The following DCAF10 variants were observed in gnomAD, a reference collection of about 807,000 sequenced individuals.
DCAF10 encodes DDB1 and CUL4 associated factor 10, also known as DDB1- and CUL4-associated factor 10.
A neutral mutation model predicts 51.9 loss-of-function variants in DCAF10; 19 were observed. That is an observed-to-expected ratio of 0.37 (90% CI 0.26 to 0.54). The LOEUF (loss-of-function observed/expected upper bound fraction) is 0.54. Ranked by LOEUF, DCAF10 falls within the 20% of genes least tolerant of loss-of-function variation. The probability of loss-of-function intolerance (pLI) is 0.87; values close to 1 mark genes in which losing one functional copy is unlikely to be tolerated. For missense variants in DCAF10, 510 were observed against 730.6 expected, an observed-to-expected ratio of 0.70 and a Z score of 3.48; for synonymous variants, 291 against 297.1, an observed-to-expected ratio of 0.98 and a Z score of 0.21.
intron 2 of DCAF10, among the ~76,000 whole-genome samples, chr9:37,820,950 C>A (rs976571389): frequency 6.6e-6 from 1 of 151,884 alleles, no homozygotes; most frequent in Non-Finnish European, 1.5e-5. Flanking sequence ...GTACAAAATT[C>A]AAAGGTACAA....
chr9:37,803,252 T>A (rs926686005), intron 1 of DCAF10, among the ~76,000 whole-genome samples: 16 of 152,300 alleles, frequency 1.1e-4, no homozygotes, highest in South Asian at 4.1e-4. Flanking sequence ...TCTAAGGAAA[T>A]TTTTAATTTG....
chr9:37,860,817 C>T (rs1328237471), intron 6 of DCAF10, among the ~76,000 whole-genome samples: 1 of 151,904 alleles, frequency 6.6e-6, no homozygotes, highest in Non-Finnish European at 1.5e-5. Flanking sequence ...TACTCTAGGG[C>T]TTGGATGTAC....
chr9:37,830,958 C>T (rs1234518009), intron 2 of DCAF10, among the ~76,000 whole-genome samples: 1 of 152,228 alleles, frequency 6.6e-6, no homozygotes, highest in Non-Finnish European at 1.5e-5. Context: ...CGCAGTGGCT[C>T]ATGCCTGTAA....
chr9:37,859,420 T>C (rs1211129982), intron 5 of DCAF10, among the ~76,000 whole-genome samples: 6 of 152,220 alleles, frequency 3.9e-5, no homozygotes, highest in African/African-American at 1.2e-4. Flanking sequence ...GTCATTTTCA[T>C]TGGGAGTTAG....
chr9:37,845,808 T>C (rs369414603), intron 3 of DCAF10, among the ~76,000 whole-genome samples: 33 of 152,230 alleles, frequency 2.2e-4, no homozygotes, highest in East Asian at 1.2e-3. Context: ...GTTCATGCGG[T>C]GCTTGTTATT....
chr9:37,859,798 G>A (rs1830959347), intron 5 of DCAF10, among the ~76,000 whole-genome samples: 1 of 152,104 alleles, frequency 6.6e-6, no homozygotes, highest in South Asian at 2.1e-4. Context: ...CTTAGCCTTA[G>A]GTCAGTGACA....
intron 1 of DCAF10, among the ~76,000 whole-genome samples, chr9:37,817,302 A>G (rs191827173): frequency 6.6e-6 from 1 of 152,350 alleles, no homozygotes; most frequent in Admixed American, 6.5e-5. Context: ...AATGTTCAAG[A>G]TTAAGAATCT....
chr9:37,831,171 C>G (rs1349410719), intron 2 of DCAF10, among the ~76,000 whole-genome samples: 1 of 152,096 alleles, frequency 6.6e-6, no homozygotes, highest in Non-Finnish European at 1.5e-5. Flanking sequence ...GAGCCGAGAT[C>G]GCGCCACTGC....
In DCAF10 at chr9:37,860,079, A is replaced by G. The variant is rs1830968879; in HGVS notation, c.1197A>G (p.Val399=). 1 of 1,614,138 alleles carries G rather than the reference A, an allele frequency of 6.2e-7. No homozygotes were observed. Among genetic ancestry groups the G allele is most frequent in the Non-Finnish European group, 8.5e-7 (1 of 1,179,990 alleles). The change falls in exon 6 of 7, where the codon GTA becomes GTG. Residue 399 remains valine (V), a synonymous_variant. Coordinates refer to ENST00000377724, the MANE Select transcript of DCAF10 (RefSeq NM_024345.5). ...GVSPRNSLEV[V]TPEVLGESDH... ...CACCACGAAATAGTCTTGAAGTCGTAACCCCTGAAGTTCTTGGTGAGAGTG... is the reference window on the plus strand; with the variant it reads ...CACCACGAAATAGTCTTGAAGTCGTGACCCCTGAAGTTCTTGGTGAGAGTG...
Position 37,867,157 on chromosome 9 carries a change from G to C in DCAF10, c.*5649G>C, listed in dbSNP as rs1831153592. ...ACCATTACGCTGCTCTCTTGTAAATGAACTAGGGATAAAGATATGGGTTTT... is the reference window on the plus strand; with the variant it reads ...ACCATTACGCTGCTCTCTTGTAAATCAACTAGGGATAAAGATATGGGTTTT... On this transcript the variant is annotated 3_prime_UTR_variant, in exon 7 of 7. Coordinates refer to ENST00000377724, the MANE Select transcript of DCAF10 (RefSeq NM_024345.5). 6.6e-6 allele frequency: 1 copy of C among 152,076 alleles called. No homozygotes were observed. Among genetic ancestry groups the C allele is most frequent in the Non-Finnish European group, 1.5e-5 (1 of 68,000 alleles). The allele number at this position is 152,076 out of a possible 1,614,324, so 9.4% of individuals were successfully genotyped here.
intron 2 of DCAF10, among the ~76,000 whole-genome samples, chr9:37,837,859 A>AG (rs1491268417): frequency 1.3e-5 from 2 of 151,658 alleles, no homozygotes; most frequent in Non-Finnish European, 2.9e-5. Flanking sequence ...AAAAAAAAAA[A>AG]GAATTAAAAT....
chr9:37,818,788 T>C (rs1829621073), intron 1 of DCAF10, among the ~76,000 whole-genome samples: 1 of 152,214 alleles, frequency 6.6e-6, no homozygotes, highest in African/African-American at 2.4e-5. Context: ...TATTTAAAAA[T>C]ATGTTTTGGA....
intron 2 of DCAF10, among the ~76,000 whole-genome samples, chr9:37,820,136 T>TA (rs1377993287): frequency 6.6e-6 from 1 of 152,158 alleles, no homozygotes; most frequent in Non-Finnish European, 1.5e-5. Flanking sequence ...TTTAATTTTC[T>TA]AAAAAAAGAA....
Position 37,854,826 on chromosome 9 carries a change from T to G in DCAF10, c.898T>G (p.Phe300Val). The G allele has an allele frequency of 1.9e-6, 3 of 1,614,058 alleles. No homozygotes were observed. In the South Asian group the frequency reaches 3.3e-5, roughly 18 times the overall value. The change falls in exon 4 of 7, where the codon TTT becomes GTT. Residue 300 changes from phenylalanine (F) to valine (V), a missense_variant. Phe to Val is a conservative substitution (Grantham distance 50). This residue lies in a region of DCAF10 where 126 missense variants were observed against 271.5 expected (regional missense o/e 0.46). Transcript: ENST00000377724. ...CPHKKFFHTR[F>V]LMRMRLTPDC... ...ACATAAGAAATTCTTTCACACACGT[T>G]TTCTCATGCGAATGAGGTTAACACC...
rs755754292 is a variant in DCAF10 at position 37,860,076 on chromosome 9, C to A, written c.1194C>A (p.Val398=). 6 of 1,613,956 alleles carry A rather than the reference C, an allele frequency of 3.7e-6. No homozygotes were observed. The Admixed American group carries it at 8.3e-5, about 22-fold the overall frequency. The change falls in exon 6 of 7, where the codon GTC becomes GTA. Residue 398 remains valine, a synonymous_variant. Coordinates refer to ENST00000377724, the MANE Select transcript of DCAF10 (RefSeq NM_024345.5). Reference sequence around the variant, plus strand: ...TTTCACCACGAAATAGTCTTGAAGTCGTAACCCCTGAAGTTCTTGGTGAGA... The same window carrying A: ...TTTCACCACGAAATAGTCTTGAAGTAGTAACCCCTGAAGTTCTTGGTGAGA... ...EGVSPRNSLE[V]VTPEVLGESD... is the part of the protein sequence containing the mutation.
At chr9:37,802,693 G>A (rs576587915) in intron 1 of DCAF10, among the ~76,000 whole-genome samples, 1 of 152,304 alleles carries the variant, frequency 6.6e-6, no homozygotes, top group South Asian at 2.1e-4. Flanking sequence ...AATCACACGT[G>A]GTGCTGGGGT....
At chr9:37,824,637 G>C (rs1207337323) in intron 2 of DCAF10, among the ~76,000 whole-genome samples, 1 of 151,800 alleles carries the variant, frequency 6.6e-6, no homozygotes, top group Non-Finnish European at 1.5e-5. Flanking sequence ...AAATATATGA[G>C]TAGTTCAAAG....
chr9:37,804,919 C>A (rs865833001), intron 1 of DCAF10, among the ~76,000 whole-genome samples: 1 of 151,982 alleles, frequency 6.6e-6, no homozygotes, highest in Non-Finnish European at 1.5e-5. Flanking sequence ...AGATTTATAC[C>A]CAACAAACAT....
intron 6 of DCAF10, 102 bp downstream of exon 6, chr9:37,860,295 C>A: frequency 7.0e-7 from 1 of 1,437,020 alleles, no homozygotes. Flanking sequence ...TCTCTGCCTT[C>A]AAGGGCATAC....
Sources: allele counts gnomAD v4.1 joint callset (sites outside exome capture counted in the v4.1 genomes callset), GRCh38; gene constraint gnomAD v4.1.1; regional missense constraint gnomAD v4.1.1; transcripts MANE v1.5; gene names NCBI Gene and HGNC (gene_info 2026-07-23, HGNC 2026-07-21).